The following GABBR2 variants were observed in gnomAD, a reference collection of about 807,000 sequenced individuals.
GABBR2 encodes G-protein coupled receptor 51.
In GABBR2, 23 loss-of-function variants were observed where a neutral mutation model predicts 105.6. The ratio of observed to expected loss-of-function variants is 0.22; its 90% CI spans 0.16 to 0.31. GABBR2 has a LOEUF of 0.31. Among genes scored for constraint, GABBR2 ranks in the 10% least tolerant of loss-of-function variants. GABBR2 has a pLI of 1.00. For missense variants in GABBR2, 734 were observed against 1,245.5 expected, an observed-to-expected ratio of 0.59 and a Z score of 6.18; for synonymous variants, 478 against 499.7, an observed-to-expected ratio of 0.96 and a Z score of 0.58.
chr9:98,307,711 T>A (rs966362605), intron 14 of GABBR2, among the ~76,000 whole-genome samples: 1 of 152,082 alleles, frequency 6.6e-6, no homozygotes, highest in Non-Finnish European at 1.5e-5. Context: ...CTGGGAATAA[T>A]AATAATAATA....
chr9:98,470,310 G>A (rs960023598), intron 6 of GABBR2, among the ~76,000 whole-genome samples: 1 of 152,196 alleles, frequency 6.6e-6, no homozygotes, highest in Non-Finnish European at 1.5e-5. Flanking sequence ...AGGTTTATTG[G>A]ACTCACAGTT....
chr9:98,699,795 G>A (rs960835595), intron 1 of GABBR2, among the ~76,000 whole-genome samples: 4 of 152,130 alleles, frequency 2.6e-5, no homozygotes, highest in Admixed American at 6.5e-5. Context: ...TGGCTCCTCT[G>A]TGCATCCCTA....
At chr9:98,301,947 G>A (rs146477601) in intron 16 of GABBR2, among the ~76,000 whole-genome samples, 57 of 152,342 alleles carry the variant, frequency 3.7e-4, no homozygotes, top group African/African-American at 1.3e-3. Context: ...GCCCCCCAAA[G>A]GGCGGCCAGA....
intron 1 of GABBR2, among the ~76,000 whole-genome samples, chr9:98,680,873 G>A (rs1564149886): frequency 6.6e-6 from 1 of 152,198 alleles, no homozygotes; most frequent in Non-Finnish European, 1.5e-5. Flanking sequence ...GCAGAGAAAT[G>A]AGTCATTCAA....
At chr9:98,685,594 A>C (rs337526) in intron 1 of GABBR2, among the ~76,000 whole-genome samples, 1 of 152,244 alleles carries the variant, frequency 6.6e-6, no homozygotes, top group South Asian at 2.1e-4. Flanking sequence ...CCCCACTAGA[A>C]TATCAGCTCC....
At chr9:98,428,775 TGG>T (rs1825744557) in intron 7 of GABBR2, among the ~76,000 whole-genome samples, 1 of 152,224 alleles carries the variant, frequency 6.6e-6, no homozygotes. Flanking sequence ...CCTTTTTTGC[TGG>T]ACTTGGTGCT....
intron 3 of GABBR2, among the ~76,000 whole-genome samples, chr9:98,500,681 T>C (rs954040110): frequency 1.3e-5 from 2 of 152,220 alleles, no homozygotes; most frequent in Non-Finnish European, 2.9e-5. Flanking sequence ...TAATCTGCGA[T>C]AAGAGGCTTG....
At chr9:98,390,213 G>A (rs192240348) in intron 9 of GABBR2, among the ~76,000 whole-genome samples, 5 of 151,728 alleles carry the variant, frequency 3.3e-5, no homozygotes, top group Admixed American at 1.3e-4. Flanking sequence ...CGTCTCTACC[G>A]AAAATACGAA....
chr9:98,368,991 C>T (rs1236634102), intron 12 of GABBR2, among the ~76,000 whole-genome samples: 1 of 152,212 alleles, frequency 6.6e-6, no homozygotes, highest in Admixed American at 6.5e-5. Context: ...CCACAGGTCC[C>T]CAACTTTGGC....
At chr9:98,688,952 G>A (rs1203752271) in intron 1 of GABBR2, among the ~76,000 whole-genome samples, 1 of 152,170 alleles carries the variant, frequency 6.6e-6, no homozygotes, top group Non-Finnish European at 1.5e-5. Context: ...TTGCCCAACT[G>A]TCTCAGAAAA....
At chr9:98,643,284 C>G (rs376744897) in intron 1 of GABBR2, among the ~76,000 whole-genome samples, 1 of 152,178 alleles carries the variant, frequency 6.6e-6, no homozygotes, top group Non-Finnish European at 1.5e-5. Context: ...TGCCCAAGAG[C>G]GATGGATGGG....
At chr9:98,354,707 T>C (rs1434824561) in intron 13 of GABBR2, among the ~76,000 whole-genome samples, 1 of 152,262 alleles carries the variant, frequency 6.6e-6, no homozygotes, top group Non-Finnish European at 1.5e-5. Flanking sequence ...TGAGATTTGA[T>C]CAGGCTTTGA....
At chr9:98,514,737 C>T (rs1176822342) in intron 3 of GABBR2, among the ~76,000 whole-genome samples, 2 of 151,766 alleles carry the variant, frequency 1.3e-5, no homozygotes, top group African/African-American at 4.8e-5. Context: ...CAACATGGCA[C>T]ATGTATATAT....
intron 1 of GABBR2, among the ~76,000 whole-genome samples, chr9:98,616,260 C>T (rs1829580653): frequency 6.6e-6 from 1 of 152,220 alleles, no homozygotes. Flanking sequence ...GACATTTCTT[C>T]CCTTTCTCAC....
intron 13 of GABBR2, among the ~76,000 whole-genome samples, chr9:98,342,100 C>T (rs1006429790): frequency 9.9e-5 from 15 of 152,062 alleles, no homozygotes; most frequent in Admixed American, 7.2e-4. Context: ...AGTTCTGTGA[C>T]CAGAATGAGG....
chr9:98,679,057 AC>A (rs1314632457), intron 1 of GABBR2, among the ~76,000 whole-genome samples: 3 of 152,208 alleles, frequency 2.0e-5, no homozygotes, highest in African/African-American at 7.2e-5. Context: ...CCAGGACATG[AC>A]AAAGTCTGCT....
intron 13 of GABBR2, among the ~76,000 whole-genome samples, chr9:98,339,165 G>T (rs1297110811): frequency 1.3e-5 from 2 of 151,924 alleles, no homozygotes; most frequent in African/African-American, 4.8e-5. Flanking sequence ...TTTCTTTTTG[G>T]GGTGACAACG....
chr9:98,579,784 G>T (rs1828974290), intron 1 of GABBR2, among the ~76,000 whole-genome samples: 1 of 152,106 alleles, frequency 6.6e-6, no homozygotes, highest in Non-Finnish European at 1.5e-5. Flanking sequence ...TACAAAACTG[G>T]TTAATGTCCT....
chr9:98,675,722 TGA>T (rs2131865025), intron 1 of GABBR2, among the ~76,000 whole-genome samples: 1 of 152,298 alleles, frequency 6.6e-6, no homozygotes, highest in East Asian at 1.9e-4. Context: ...TGCCCCAGAT[TGA>T]GAGTCTATGC....
Sources: gnomAD v4.1 joint callset for allele counts (sites outside exome capture counted in the v4.1 genomes callset) on GRCh38, gnomAD v4.1.1 for gene constraint, MANE v1.5 for transcripts, NCBI Gene and HGNC (gene_info 2026-07-23, HGNC 2026-07-21) for gene names.